NBR1: variants seen among roughly 807,000 people sequenced by gnomAD.
NBR1 encodes the protein NBR1 autophagy cargo receptor.
NBR1 carries 59 observed loss-of-function variants against 115.5 expected under a neutral mutation model. The ratio of observed to expected loss-of-function variants is 0.51; its 90% CI spans 0.41 to 0.63. The LOEUF (loss-of-function observed/expected upper bound fraction) is 0.63. Among genes scored for constraint, NBR1 ranks in the 30% least tolerant of loss-of-function variants. NBR1 has a pLI of 0.00. For synonymous variants in NBR1, 373 were observed against 414.7 expected (o/e 0.90, Z 1.22); for missense variants, 1,043 against 1,150.5 (o/e 0.91, Z 1.35).
At position 43,210,014 on chromosome 17, in the gene NBR1, G is replaced by A; in HGVS notation, c.2841G>A (p.Leu947=). Residue 947 remains leucine (L), a synonymous_variant, in exon 21 of 21, where the codon CTG becomes CTA. Coordinates refer to ENST00000590996, the MANE Select transcript of NBR1 (RefSeq NM_005899.5). ...TGAAGAAACACAATTACAATATCCT[G>A]CAGGTTGTGACAGAACTTCTTCAGT... ...RLLKKHNYNI[L]QVVTELLQLN... The A allele has an allele frequency of 5.0e-6, 8 of 1,613,430 alleles. No individual in the cohort carries two copies. Among genetic ancestry groups the A allele is most frequent in the Non-Finnish European group, 6.8e-6 (8 of 1,179,612 alleles).
At chr17:43,171,843 G>C (rs1376032565) in intron 1 of NBR1, among the ~76,000 whole-genome samples, 3 of 152,220 alleles carry the variant, frequency 2.0e-5, no homozygotes, top group African/African-American at 7.2e-5. Context: ...CTTTCTCAAA[G>C]ACCAACCCAG....
At chr17:43,191,234 A>T (rs1234269047) in intron 9 of NBR1, 138 bp from the exon 10 acceptor site, 3 of 661,648 alleles carry the variant, frequency 4.5e-6, no homozygotes, top group Non-Finnish European at 7.9e-6. Context: ...AGCCTACATG[A>T]CAGAGTGAGA....
intron 16 of NBR1, among the ~76,000 whole-genome samples, chr17:43,199,811 C>G (rs1045496125): frequency 2.0e-5 from 3 of 152,080 alleles, no homozygotes; most frequent in African/African-American, 7.2e-5. Flanking sequence ...AACTTTTTCT[C>G]TTTTTATAGC....
At chr17:43,182,827 G>A (rs183791445) in intron 5 of NBR1, among the ~76,000 whole-genome samples, 152 of 151,376 alleles carry the variant, frequency 1.0e-3, no homozygotes, top group African/African-American at 3.2e-3. Context: ...ACAGTGGTGC[G>A]ATCTTGGCTA....
intron 20 of NBR1, 79 bp from the exon 21 acceptor site, chr17:43,209,822 A>G: frequency 3.4e-6 from 5 of 1,459,380 alleles, no homozygotes; most frequent in Non-Finnish European, 3.6e-6. Context: ...TGCTTGCAAG[A>G]TGATACAAAT....
rs1302459916 is a variant in NBR1 at position 43,200,475 on chromosome 17, G to A, written c.2335G>A (p.Ala779Thr). 1.2e-6 allele frequency: 2 copies of A among 1,613,636 alleles called. No homozygotes were observed. Among genetic ancestry groups the A allele is most frequent in the Non-Finnish European group, 8.5e-7 (1 of 1,179,772 alleles). ...GVEAGQEPAE[A>T]GERLPGGENQ... The stretch of plus-strand genomic sequence containing the variant: ...TGAGGCTGGGCAGGAACCAGCTGAG[G>A]CTGGGGAAAGACTCCCTGGAGGGGA... Residue 779 changes from alanine to threonine, a missense_variant, in exon 17 of 21, where the codon GCT becomes ACT. Coordinates refer to ENST00000590996, the MANE Select transcript of NBR1 (RefSeq NM_005899.5).
intron 14 of NBR1, 93 bp downstream of exon 14, chr17:43,195,132 T>C (rs1270177312): frequency 3.1e-6 from 3 of 965,610 alleles, no homozygotes; most frequent in Non-Finnish European, 4.9e-6. Flanking sequence ...TCTGAGGAAA[T>C]GGCAAGGATT....
intron 5 of NBR1, among the ~76,000 whole-genome samples, chr17:43,184,118 G>C (rs2056741447): frequency 6.6e-6 from 1 of 152,098 alleles, no homozygotes; most frequent in Non-Finnish European, 1.5e-5. Flanking sequence ...CTGGAGTGCA[G>C]TGGTGTGATT....
At chr17:43,173,335 C>T (rs2056424397) in intron 1 of NBR1, among the ~76,000 whole-genome samples, 1 of 151,952 alleles carries the variant, frequency 6.6e-6, no homozygotes, top group African/African-American at 2.4e-5. Flanking sequence ...ATCACCCAGG[C>T]GAGAGTGCAG....
At chr17:43,196,237 G>T in intron 14 of NBR1, 1 of 377,418 alleles carries the variant, frequency 2.6e-6, no homozygotes, top group Non-Finnish European at 4.7e-6. Flanking sequence ...TATGTTCATG[G>T]TTTTGTGTCT....
chr17:43,205,426 C>T (rs1373056733), intron 20 of NBR1, among the ~76,000 whole-genome samples: 1 of 152,152 alleles, frequency 6.6e-6, no homozygotes, highest in Admixed American at 6.5e-5. Context: ...CCAAGTAAGG[C>T]TTTCTGGTAG....
chr17:43,203,563 T>C (rs2057249304), intron 19 of NBR1, 118 bp from the exon 20 acceptor site: 1 of 619,410 alleles, frequency 1.6e-6, no homozygotes, highest in Admixed American at 2.9e-5. Context: ...GTGTTCTCTT[T>C]TTCCATCTAA....
chr17:43,170,622 G>A (rs955008216), upstream of NBR1: 4 of 152,700 alleles, frequency 2.6e-5, no homozygotes, highest in African/African-American at 9.6e-5. Flanking sequence ...GTAAATAAAA[G>A]GATTGTTGGG....
At chr17:43,189,836 T>C (rs2056901339) in intron 8 of NBR1, 34 bp downstream of exon 8, 1 of 1,580,190 alleles carries the variant, frequency 6.3e-7, no homozygotes, top group Non-Finnish European at 8.7e-7. Flanking sequence ...TAGCTAGTGA[T>C]AGACCTTACA....
intron 1 of NBR1, among the ~76,000 whole-genome samples, chr17:43,172,395 C>A (rs1260001320): frequency 3.3e-5 from 5 of 152,184 alleles, no homozygotes; most frequent in Non-Finnish European, 7.3e-5. Flanking sequence ...ATCTAAATTT[C>A]CAATTGTGTA....
Position 43,196,566 on chromosome 17 carries a change from A to T in NBR1, c.1836A>T (p.Glu612Asp). ...PGLGQIEEEN[E>D]GAGFKALPDS... is the part of the protein sequence containing the mutation. ...TGGGGCAGATAGAGGAAGAGAATGA[A>T]GGGGCAGGATTTAAAGCACTTCCTG... Residue 612 changes from glutamate to aspartate, a missense_variant, in exon 15 of 21, where the codon GAA (glutamate) becomes GAT (aspartate). Coordinates refer to ENST00000590996, the MANE Select transcript of NBR1 (RefSeq NM_005899.5). 1 of 1,605,118 alleles carries T rather than the reference A, an allele frequency of 6.2e-7. No homozygotes were observed. Among genetic ancestry groups the T allele is most frequent in the Non-Finnish European group, 8.5e-7 (1 of 1,176,254 alleles).
chr17:43,204,539 G>A (rs1334800833), intron 20 of NBR1, among the ~76,000 whole-genome samples: 3 of 151,620 alleles, frequency 2.0e-5, no homozygotes, highest in Non-Finnish European at 4.4e-5. Flanking sequence ...AAGTATGGCC[G>A]GTACAGTGGC....
chr17:43,194,933 C>A (rs2057032569), intron 13 of NBR1, 31 bp from the exon 14 acceptor site: 1 of 1,590,064 alleles, frequency 6.3e-7, no homozygotes, highest in Middle Eastern at 1.7e-4. Context: ...AGCATGCACT[C>A]CAAACAGCCT....
chr17:43,193,613 C>G lies in NBR1; in HGVS notation c.1499C>G (p.Thr500Ser), dbSNP rs2057002488. Residue 500 changes from threonine (T) to serine (S), a missense_variant, in exon 12 of 21, where the codon ACT becomes AGT. Coordinates refer to ENST00000590996, the MANE Select transcript of NBR1 (RefSeq NM_005899.5). ...IEKGMISSSK[T>S]DDLTCQQEET... ...AAGGGCATGATCAGCTCAAGCAAAA[C>G]TGATGATCTCACCTGCCAGCAAGAG... is the stretch of plus-strand genomic sequence containing the variant. 1 of 1,609,926 alleles carries G rather than the reference C, an allele frequency of 6.2e-7. No individual in the cohort carries two copies. Among genetic ancestry groups the G allele is most frequent in the Non-Finnish European group, 8.5e-7 (1 of 1,178,154 alleles).
Sources: allele counts gnomAD v4.1 joint callset (sites outside exome capture counted in the v4.1 genomes callset), GRCh38; gene constraint gnomAD v4.1.1; transcripts MANE v1.5; gene names NCBI Gene and HGNC (gene_info 2026-07-23, HGNC 2026-07-21).